Variants in RANBP2 observed in about 807,000 individuals in gnomAD.
RANBP2 encodes the protein RAN binding protein 2, also known as E3 SUMO-protein ligase RanBP2.
In RANBP2, 57 loss-of-function variants were observed where a neutral mutation model predicts 303.6. The ratio of observed to expected loss-of-function variants is 0.19; its 90% CI spans 0.15 to 0.23. The LOEUF is 0.23. Ranked by LOEUF, RANBP2 falls within the 10% of genes least tolerant of loss-of-function variation. The pLI is 1.00. For missense variants in RANBP2, 3,138 were observed against 3,780.8 expected (o/e 0.83, Z 4.46); for synonymous variants, 1,167 against 1,301.5 (o/e 0.90, Z 2.23).
chr2:109,097,407 A>G, the RANBP2 span, among the ~76,000 whole-genome samples: 1 of 151,878 alleles, frequency 6.6e-6, no homozygotes. Flanking sequence ...TAATAATAAA[A>G]CTCCAGTGTC....
the RANBP2 span, among the ~76,000 whole-genome samples, chr2:109,537,767 G>A: frequency 1.1e-3 from 170 of 152,172 alleles, 1 homozygote; most frequent in Non-Finnish European, 1.5e-3. Flanking sequence ...GCAACGGGGC[G>A]AAACCCTGTC....
At chr2:109,476,086 G>C in the RANBP2 span, among the ~76,000 whole-genome samples, 1 of 152,306 alleles carries the variant, frequency 6.6e-6, no homozygotes, top group African/African-American at 2.4e-5. Context: ...ACTTGTAAGA[G>C]GGCAGATCTC....
chr2:109,614,652 C>T, the RANBP2 span: 1 of 1,473,352 alleles, frequency 6.8e-7, no homozygotes, highest in African/African-American at 1.5e-5. Context: ...CGCCCGCGCG[C>T]ACTTCAAGGA....
chr2:108,744,304 C>T (rs1428905485), intron 7 of RANBP2, among the ~76,000 whole-genome samples: 4 of 151,796 alleles, frequency 2.6e-5, no homozygotes, highest in East Asian at 1.9e-4. Flanking sequence ...CTTGAGAGGC[C>T]GAGACAGGAG....
chr2:108,808,166 A>T, the RANBP2 span, among the ~76,000 whole-genome samples: 2 of 152,126 alleles, frequency 1.3e-5, no homozygotes, highest in African/African-American at 4.8e-5. Flanking sequence ...GTTCTTTTTC[A>T]TAGCTGAACA....
At chr2:109,677,081 C>A in the RANBP2 span, among the ~76,000 whole-genome samples, 1 of 152,298 alleles carries the variant, frequency 6.6e-6, no homozygotes, top group South Asian at 2.1e-4. Flanking sequence ...CCCTTGCTCC[C>A]TTTGTTTGGC....
At chr2:109,716,790 C>G in the RANBP2 span, among the ~76,000 whole-genome samples, 1 of 152,212 alleles carries the variant, frequency 6.6e-6, no homozygotes, top group Non-Finnish European at 1.5e-5. Context: ...CTCAAGCAAT[C>G]TGCCCACCTC....
At chr2:108,931,110 C>T in the RANBP2 span, 79 of 1,197,666 alleles carry the variant, frequency 6.6e-5, 1 homozygote, top group South Asian at 9.5e-4. Flanking sequence ...TTTAACCCCA[C>T]TGGATATAAG....
At chr2:109,509,580 T>C in the RANBP2 span, among the ~76,000 whole-genome samples, 1 of 152,150 alleles carries the variant, frequency 6.6e-6, no homozygotes, top group Admixed American at 6.5e-5. Flanking sequence ...TGTGTAAATT[T>C]ATGGGGTGCA....
the RANBP2 span, among the ~76,000 whole-genome samples, chr2:109,265,790 A>T: frequency 3.3e-5 from 5 of 152,254 alleles, no homozygotes; most frequent in African/African-American, 1.2e-4. Flanking sequence ...AAAAGCTTTT[A>T]ATATGCAGGG....
chr2:109,019,886 A>G, the RANBP2 span, among the ~76,000 whole-genome samples: 3 of 152,182 alleles, frequency 2.0e-5, no homozygotes, highest in South Asian at 2.1e-4. Context: ...GGGGTTTTCT[A>G]TAATGGAGAT....
the RANBP2 span, among the ~76,000 whole-genome samples, chr2:109,670,627 C>G: frequency 6.6e-6 from 1 of 152,180 alleles, no homozygotes; most frequent in African/African-American, 2.4e-5. Flanking sequence ...AGAGGCTGAC[C>G]TCGTTCTGCT....
the RANBP2 span, among the ~76,000 whole-genome samples, chr2:109,220,057 T>C: frequency 1.3e-5 from 2 of 152,254 alleles, no homozygotes; most frequent in Non-Finnish European, 2.9e-5. Context: ...AAAACTATGT[T>C]ATTAGCATAA....
chr2:108,998,078 G>C, the RANBP2 span, among the ~76,000 whole-genome samples: 1 of 151,996 alleles, frequency 6.6e-6, no homozygotes, highest in African/African-American at 2.4e-5. Context: ...TACCGGAACT[G>C]TTGCTCTCCC....
the RANBP2 span, among the ~76,000 whole-genome samples, chr2:108,878,697 T>TTAC: frequency 6.6e-6 from 1 of 152,234 alleles, no homozygotes; most frequent in African/African-American, 2.4e-5. Flanking sequence ...AATATGTTAG[T>TTAC]AGTAAGTATC....
At chr2:108,847,145 A>G in the RANBP2 span, among the ~76,000 whole-genome samples, 1 of 152,154 alleles carries the variant, frequency 6.6e-6, no homozygotes, top group African/African-American at 2.4e-5. Context: ...GAGGCCTTTG[A>G]TTGTCTTAGG....
the RANBP2 span, among the ~76,000 whole-genome samples, chr2:108,991,907 A>G: frequency 2.0e-5 from 3 of 152,102 alleles, no homozygotes; most frequent in Admixed American, 1.3e-4. Context: ...CCCAGGTTTA[A>G]GCGATTCTCA....
chr2:109,205,985 A>G, the RANBP2 span, among the ~76,000 whole-genome samples: 1 of 152,168 alleles, frequency 6.6e-6, no homozygotes, highest in Admixed American at 6.5e-5. Context: ...GTTTACTCCA[A>G]AAGTGTTTCA....
chr2:109,319,408 A>G, the RANBP2 span, among the ~76,000 whole-genome samples: 10 of 152,320 alleles, frequency 6.6e-5, no homozygotes, highest in Non-Finnish European at 1.5e-4. Context: ...GGGATCACCC[A>G]GGCATCCTTT....
Sources: allele counts gnomAD v4.1 joint callset (sites outside exome capture counted in the v4.1 genomes callset), GRCh38; gene constraint gnomAD v4.1.1; transcripts MANE v1.5; gene names NCBI Gene and HGNC (gene_info 2026-07-23, HGNC 2026-07-21).